LRBA: variants seen among roughly 807,000 people sequenced by gnomAD.
LRBA encodes the protein LPS responsive beige-like anchor protein.
Under a neutral mutation model 330.0 loss-of-function variants are expected in LRBA, and 176 were observed. That is an observed-to-expected ratio of 0.53 (90% CI 0.47 to 0.60). The LOEUF (loss-of-function observed/expected upper bound fraction) is 0.60, where lower values mean the gene tolerates loss of function less well. LRBA is among the 20% of genes least tolerant of loss of function. The pLI, the probability that LRBA is intolerant of heterozygous loss-of-function variation, is 0.00. For missense variants in LRBA, 3,259 were observed against 3,444.8 expected, an observed-to-expected ratio of 0.95 and a Z score of 1.35; for synonymous variants, 1,230 against 1,193.0, an observed-to-expected ratio of 1.03 and a Z score of -0.64.
At chr4:150,819,431 A>AG (rs1745102851) in intron 30 of LRBA, among the ~76,000 whole-genome samples, 1 of 152,008 alleles carries the variant, frequency 6.6e-6, no homozygotes, top group Admixed American at 6.6e-5. Context: ...AAAAAAAAAA[A>AG]CTGTATTCAT....
intron 48 of LRBA, among the ~76,000 whole-genome samples, chr4:150,349,635 TC>T (rs1428445841): frequency 2.6e-5 from 4 of 152,172 alleles, no homozygotes; most frequent in Admixed American, 6.5e-5. Context: ...ATGTGTTTTA[TC>T]ACATTTCAAT....
chr4:151,010,090 G>A (rs1317833623), intron 2 of LRBA, among the ~76,000 whole-genome samples: 1 of 152,056 alleles, frequency 6.6e-6, no homozygotes, highest in Admixed American at 6.6e-5. Context: ...TTTTATATAA[G>A]AGACTGGAGC....
intron 40 of LRBA, among the ~76,000 whole-genome samples, chr4:150,505,943 A>C (rs947395831): frequency 1.3e-5 from 2 of 152,238 alleles, no homozygotes; most frequent in African/African-American, 4.8e-5. Context: ...AGAATACTAT[A>C]AACAGCTCTA....
chr4:150,350,261 A>C, intron 47 of LRBA, 102 bp from the exon 48 acceptor site: 1 of 946,624 alleles, frequency 1.1e-6, no homozygotes, highest in Non-Finnish European at 1.5e-6. Context: ...CTTTACTGTG[A>C]ACAAAGATTT....
chr4:150,769,656 T>TTAAATTTAAA (rs1736286054), intron 34 of LRBA, among the ~76,000 whole-genome samples: 1 of 152,172 alleles, frequency 6.6e-6, no homozygotes, highest in Admixed American at 6.5e-5. Context: ...TCTTTTTTAC[T>TTAAATTTAAA]CAGTCTACCA....
Position 150,928,528 on chromosome 4 carries a change from A to G in LRBA, c.537T>C (p.Asp179=). ...TAAGTTTTTTTACCCATCGTCCTTT[A>G]TCTCCTTGAAGTTTACTGAAGAAAA... ...LKLFFSKLQG[D]KGRWPPHAGK... is the part of the protein sequence containing the mutation. The change falls in exon 4 of 57, where the codon GAT becomes GAC. Residue 179 remains aspartate, a synonymous_variant. Transcript: ENST00000651943. 1 of 1,612,994 alleles carries G rather than the reference A, an allele frequency of 6.2e-7. No homozygotes were observed. Among genetic ancestry groups the G allele is most frequent in the East Asian group, 2.2e-5 (1 of 44,834 alleles).
At chr4:150,650,647 G>T (rs1310415911) in intron 37 of LRBA, among the ~76,000 whole-genome samples, 3 of 152,034 alleles carry the variant, frequency 2.0e-5, no homozygotes, top group Admixed American at 6.6e-5. Context: ...AAAGTTTCTG[G>T]TCAGATAGTA....
At chr4:150,373,103 CA>C (rs1251516777) in intron 47 of LRBA, among the ~76,000 whole-genome samples, 2 of 145,476 alleles carry the variant, frequency 1.4e-5, no homozygotes, top group Non-Finnish European at 3.0e-5. Flanking sequence ...GCAGCCTCAG[CA>C]AACAGCTTGA....
chr4:150,829,170 A>G (rs1313883813), intron 29 of LRBA, among the ~76,000 whole-genome samples: 1 of 152,112 alleles, frequency 6.6e-6, no homozygotes, highest in African/African-American at 2.4e-5. Flanking sequence ...TCCTGAGCTC[A>G]AGCAATCTAC....
intron 17 of LRBA, among the ~76,000 whole-genome samples, chr4:150,883,767 G>A (rs1728652152): frequency 6.6e-6 from 1 of 152,072 alleles, no homozygotes; most frequent in African/African-American, 2.4e-5. Context: ...TTAAGTAACT[G>A]AACTGAATTT....
At chr4:150,383,952 C>G (rs1179557907) in intron 47 of LRBA, among the ~76,000 whole-genome samples, 2 of 152,110 alleles carry the variant, frequency 1.3e-5, no homozygotes, top group African/African-American at 4.8e-5. Context: ...GCTTTAAAAG[C>G]ATATTCAAAT....
chr4:150,954,966 T>A (rs1467108032), intron 2 of LRBA, among the ~76,000 whole-genome samples: 1 of 148,420 alleles, frequency 6.7e-6, no homozygotes, highest in East Asian at 1.9e-4. Context: ...ATAGCCTATA[T>A]AAAAGAATAA....
At chr4:150,420,372 A>G (rs1378672424) in intron 46 of LRBA, among the ~76,000 whole-genome samples, 4 of 135,410 alleles carry the variant, frequency 3.0e-5, no homozygotes, top group African/African-American at 8.6e-5. Context: ...TAAAGTATAT[A>G]TAATACACAT....
chr4:150,727,585 T>C (rs940103956), intron 36 of LRBA, among the ~76,000 whole-genome samples: 5 of 152,040 alleles, frequency 3.3e-5, no homozygotes, highest in African/African-American at 7.2e-5. Context: ...TACAAATATA[T>C]TGAAATTAAA....
rs1729862316 is a variant in LRBA, at chr4:150,302,918, T to C, written c.7850-126A>G. 4.8e-6 allele frequency: 3 copies of C among 623,478 alleles called. No homozygotes were observed. The East Asian group carries it at 9.1e-5, about 19-fold the overall frequency. 38.6% of individuals were successfully genotyped at this position (623,478 alleles called of 1,614,324 possible). ...GTCATAATTCAGATTTTATAATAAT[T>C]TGACATGGTCCAACCTAACAGTTTT... On this transcript the variant is annotated intron_variant, in intron 52 of 56. Coordinates refer to ENST00000651943, the MANE Select transcript of LRBA (RefSeq NM_001364905.1).
rs114618805 is a variant in LRBA at position 150,965,959 on chromosome 4, C to T, written c.217-36894G>A. ...GAGAGAGATTTCATTAAATACATTCCTATTTTTGACCTGTGTTAAAATGTT... is the reference window on the plus strand; with the variant it reads ...GAGAGAGATTTCATTAAATACATTCTTATTTTTGACCTGTGTTAAAATGTT... On this transcript the variant is annotated intron_variant, in intron 2 of 56. Coordinates refer to ENST00000651943, the MANE Select transcript of LRBA (RefSeq NM_001364905.1). Among the ~76,000 whole-genome samples the T allele has an allele frequency of 8.5e-3, 1,286 of 152,182 alleles. 7 individuals are homozygous for T. Among genetic ancestry groups the T allele is most frequent in the Non-Finnish European group, 0.013 (912 of 67,988 alleles).
At chr4:150,538,296 T>C (rs1184530012) in intron 40 of LRBA, among the ~76,000 whole-genome samples, 1 of 152,116 alleles carries the variant, frequency 6.6e-6, no homozygotes, top group Non-Finnish European at 1.5e-5. Context: ...ATATATACTC[T>C]AAAGAAAATA....
In LRBA at chr4:150,934,119, G is replaced by C. The variant is rs1029225300; in HGVS notation, c.217-5054C>G. ...CAAATGGTATTAATACAAACGTTTG[G>C]GATTTCTCAAGTAACCTATTTCTAA... On this transcript the variant is annotated intron_variant, in intron 2 of 56. Coordinates refer to ENST00000651943, the MANE Select transcript of LRBA (RefSeq NM_001364905.1). 2.0e-5 allele frequency among the ~76,000 whole-genome samples: 3 copies of C among 152,074 alleles called. No homozygotes were observed. The East Asian group carries it at 5.8e-4, about 29-fold the overall frequency.
At chr4:150,861,341 G>A (rs1451075221) in intron 22 of LRBA, among the ~76,000 whole-genome samples, 3 of 149,538 alleles carry the variant, frequency 2.0e-5, no homozygotes, top group Admixed American at 2.0e-4. Context: ...GCCCAGGCTG[G>A]TCTCAAATTC....
Sources: allele counts gnomAD v4.1 joint callset (sites outside exome capture counted in the v4.1 genomes callset), GRCh38; gene constraint gnomAD v4.1.1; transcripts MANE v1.5; gene names NCBI Gene and HGNC (gene_info 2026-07-23, HGNC 2026-07-21).